ADGRL2: variants seen among roughly 807,000 people sequenced by gnomAD.
The protein encoded by ADGRL2 is calcium-independent alpha-latrotoxin receptor 2.
Under a neutral mutation model 157.4 loss-of-function variants are expected in ADGRL2, and 44 were observed. That is an observed-to-expected ratio of 0.28 (90% CI 0.22 to 0.36). The LOEUF (loss-of-function observed/expected upper bound fraction) is 0.36, where lower values mean the gene tolerates loss of function less well. ADGRL2 is among the 10% of genes least tolerant of loss of function. ADGRL2 has a pLI of 1.00. For missense variants in ADGRL2, 1,510 were observed against 1,768.9 expected (o/e 0.85, Z 2.63); for synonymous variants, 585 against 624.7 (o/e 0.94, Z 0.95).
intron 2 of ADGRL2, among the ~76,000 whole-genome samples, chr1:81,861,715 C>A (rs987134457): frequency 6.6e-6 from 1 of 151,908 alleles, no homozygotes; most frequent in Non-Finnish European, 1.5e-5. Flanking sequence ...ATGGTGAAAC[C>A]CTGTTTTTAC....
At chr1:81,387,589 G>A (rs2101091894) in intron 1 of ADGRL2, among the ~76,000 whole-genome samples, 1 of 152,202 alleles carries the variant, frequency 6.6e-6, no homozygotes, top group African/African-American at 2.4e-5. Flanking sequence ...CCTATGTCAT[G>A]TAACTAAACA....
At chr1:81,723,117 G>A in intron 1 of ADGRL2, 1 of 673,810 alleles carries the variant, frequency 1.5e-6, no homozygotes, top group Non-Finnish European at 2.7e-6. Context: ...AAGCAACCTA[G>A]ATTACCTTAT....
At chr1:81,548,371 A>G (rs1001164599) in intron 2 of ADGRL2, among the ~76,000 whole-genome samples, 5 of 151,626 alleles carry the variant, frequency 3.3e-5, no homozygotes, top group African/African-American at 1.2e-4. Context: ...ATTACATCAA[A>G]CTCTTCAGCC....
At chr1:81,880,932 G>C (rs1205445749) in intron 2 of ADGRL2, among the ~76,000 whole-genome samples, 1 of 151,850 alleles carries the variant, frequency 6.6e-6, no homozygotes, top group Non-Finnish European at 1.5e-5. Context: ...AACCAGCGAA[G>C]TGGAATATTT....
intron 2 of ADGRL2, among the ~76,000 whole-genome samples, chr1:81,880,497 G>GT (rs1428742773): frequency 1.3e-5 from 2 of 152,162 alleles, no homozygotes; most frequent in Non-Finnish European, 2.9e-5. Context: ...CACTTGAAGA[G>GT]TGAGTGGTGT....
chr1:81,708,727 G>T (rs2083825022), intron 1 of ADGRL2, among the ~76,000 whole-genome samples: 1 of 151,556 alleles, frequency 6.6e-6, no homozygotes, highest in Non-Finnish European at 1.5e-5. Context: ...TAAAAATTAG[G>T]ATGGACTCCT....
intron 1 of ADGRL2, among the ~76,000 whole-genome samples, chr1:81,323,359 A>AC (rs1660664739): frequency 6.6e-6 from 1 of 150,456 alleles, no homozygotes; most frequent in East Asian, 2.0e-4. Context: ...CCCACCTTAG[A>AC]CCCCAGAGTA....
At chr1:81,870,110 AACTT>A (rs1284342281) in intron 2 of ADGRL2, among the ~76,000 whole-genome samples, 1 of 152,098 alleles carries the variant, frequency 6.6e-6, no homozygotes, top group East Asian at 1.9e-4. Flanking sequence ...CTGCAGATAA[AACTT>A]ACACATTTTC....
intron 2 of ADGRL2, among the ~76,000 whole-genome samples, chr1:81,771,942 A>G (rs1230639624): frequency 6.6e-6 from 1 of 152,102 alleles, no homozygotes; most frequent in Admixed American, 6.6e-5. Context: ...TGCATGTAAA[A>G]CTATATTTTA....
intron 2 of ADGRL2, among the ~76,000 whole-genome samples, chr1:81,849,066 CTTACTTTTG>C (rs1245190901): frequency 6.6e-6 from 1 of 151,916 alleles, no homozygotes; most frequent in Non-Finnish European, 1.5e-5. Flanking sequence ...TTCAAAAGCT[CTTACTTTTG>C]TTGCATTAAT....
chr1:81,884,016 A>G (rs2094059593), intron 2 of ADGRL2, among the ~76,000 whole-genome samples: 1 of 146,484 alleles, frequency 6.8e-6, no homozygotes, highest in Non-Finnish European at 1.5e-5. Flanking sequence ...TTTAGGATAC[A>G]TGTCTTACTT....
chr1:81,636,851 GT>G (rs2082123893), intron 3 of ADGRL2, among the ~76,000 whole-genome samples: 2 of 152,092 alleles, frequency 1.3e-5, no homozygotes, highest in African/African-American at 2.4e-5. Flanking sequence ...TGTTGTTGGT[GT>G]TCAAACAGAG....
intron 2 of ADGRL2, among the ~76,000 whole-genome samples, chr1:81,531,287 A>G (rs2148250905): frequency 6.6e-6 from 1 of 152,292 alleles, no homozygotes; most frequent in Admixed American, 6.5e-5. Flanking sequence ...AAATCAACAT[A>G]ATAGATTGCA....
chr1:81,801,878 T>G (rs2088222307), intron 1 of ADGRL2, among the ~76,000 whole-genome samples: 1 of 152,166 alleles, frequency 6.6e-6, no homozygotes, highest in African/African-American at 2.4e-5. Flanking sequence ...TTCCCGATTT[T>G]TTTTTCCTAA....
At chr1:81,866,974 A>T (rs1437759440) in intron 2 of ADGRL2, among the ~76,000 whole-genome samples, 2 of 152,180 alleles carry the variant, frequency 1.3e-5, no homozygotes, top group Non-Finnish European at 1.5e-5. Context: ...CTCAAAGCAC[A>T]GAATTTAAAG....
intron 2 of ADGRL2, among the ~76,000 whole-genome samples, chr1:81,765,551 A>G (rs548147350): frequency 9.1e-4 from 139 of 152,186 alleles, no homozygotes; most frequent in African/African-American, 3.1e-3. Flanking sequence ...GAACTTCAAA[A>G]CAGAATAAAT....
At chr1:81,496,460 C>A (rs2078732086) in intron 2 of ADGRL2, among the ~76,000 whole-genome samples, 1 of 152,086 alleles carries the variant, frequency 6.6e-6, no homozygotes, top group Non-Finnish European at 1.5e-5. Flanking sequence ...CTGAATTCAC[C>A]TAGTGACCAC....
rs1277078194 is a variant in ADGRL2, at chr1:81,992,183, G to A, written c.*1038G>A. 2 of 152,424 alleles carry A rather than the reference G, an allele frequency of 1.3e-5. No individual in the cohort carries two copies. The highest frequency in any genetic ancestry group is 2.9e-5 in the Non-Finnish European group (2 of 67,998). The allele number at this position is 152,424 out of a possible 1,614,324, so 9.4% of individuals were successfully genotyped here. ...ACAAACTTTCTAGTGAACAAAAGGT[G>A]CCTATTCTTTTTTAAAAAAATAAAA... On this transcript the variant is annotated 3_prime_UTR_variant, in exon 24 of 24. Transcript: ENST00000686636.
intron 6 of ADGRL2, among the ~76,000 whole-genome samples, chr1:81,947,344 T>C (rs1650232241): frequency 1.3e-5 from 2 of 152,212 alleles, no homozygotes; most frequent in African/African-American, 4.8e-5. Context: ...GAACACCATG[T>C]CAGTTAAATG....
Sources: gnomAD v4.1 joint callset for allele counts (sites outside exome capture counted in the v4.1 genomes callset) on GRCh38, gnomAD v4.1.1 for gene constraint, MANE v1.5 for transcripts, NCBI Gene and HGNC (gene_info 2026-07-23, HGNC 2026-07-21) for gene names.